Variants in FBN2 observed in about 807,000 individuals in gnomAD.
The protein encoded by FBN2 is fibrillin 2, also known as fibrillin-2.
A neutral mutation model predicts 355.6 loss-of-function variants in FBN2; 105 were observed. The ratio of observed to expected loss-of-function variants is 0.30; its 90% CI spans 0.25 to 0.35. The LOEUF (loss-of-function observed/expected upper bound fraction) is 0.35, where lower values mean the gene tolerates loss of function less well. Ranked by LOEUF, FBN2 falls within the 10% of genes least tolerant of loss-of-function variation. The pLI, the probability that FBN2 is intolerant of heterozygous loss-of-function variation, is 1.00. For missense variants in FBN2, 3,280 were observed against 3,758.7 expected, an observed-to-expected ratio of 0.87 and a Z score of 3.33; for synonymous variants, 1,350 against 1,301.2, an observed-to-expected ratio of 1.04 and a Z score of -0.81.
chr5:128,341,055 G>C (rs988025411), intron 25 of FBN2, among the ~76,000 whole-genome samples: 6 of 152,116 alleles, frequency 3.9e-5, no homozygotes, highest in African/African-American at 1.4e-4. Context: ...GGTACAGGAC[G>C]GACCGGTAGG....
chr5:128,367,937 G>C (rs1324236182), intron 16 of FBN2, among the ~76,000 whole-genome samples: 1 of 151,496 alleles, frequency 6.6e-6, no homozygotes, highest in Non-Finnish European at 1.5e-5. Context: ...TTCCACGTTT[G>C]AAGACTCCAT....
intron 5 of FBN2, among the ~76,000 whole-genome samples, chr5:128,478,513 T>G (rs1378632036): frequency 6.6e-6 from 1 of 152,212 alleles, no homozygotes; most frequent in Non-Finnish European, 1.5e-5. Flanking sequence ...TTTCAGCAAC[T>G]GGCCCCAAGT....
intron 6 of FBN2, among the ~76,000 whole-genome samples, chr5:128,451,381 CATT>C (rs1199901010): frequency 5.3e-5 from 8 of 152,042 alleles, no homozygotes; most frequent in African/African-American, 1.9e-4. Flanking sequence ...TTTTAAACCT[CATT>C]ATTATTATTG....
chr5:128,288,312 A>G, intron 53 of FBN2, 126 bp downstream of exon 53: 1 of 1,161,054 alleles, frequency 8.6e-7, no homozygotes, highest in Non-Finnish European at 1.2e-6. Flanking sequence ...CAAAAAACCC[A>G]AAAAACAAAA....
chr5:128,323,324 T>C (rs955235312), intron 34 of FBN2, among the ~76,000 whole-genome samples: 1 of 152,200 alleles, frequency 6.6e-6, no homozygotes, highest in African/African-American at 2.4e-5. Flanking sequence ...GAGGGCATCC[T>C]TGTCTTGTGC....
intron 11 of FBN2, among the ~76,000 whole-genome samples, chr5:128,387,845 A>G (rs1040988539): frequency 6.6e-6 from 1 of 152,166 alleles, no homozygotes; most frequent in African/African-American, 2.4e-5. Context: ...TGTTCTGTAG[A>G]TATCTGTTGA....
chr5:128,365,726 A>G lies in FBN2; in HGVS notation c.2302+651T>C, dbSNP rs571356288. Among the ~76,000 whole-genome samples, 69 of 150,606 alleles carry G rather than the reference A, an allele frequency of 4.6e-4. 1 individual carries two copies. Among genetic ancestry groups the G allele is most frequent in the Admixed American group, 1.8e-3 (27 of 15,094 alleles). ...ATATTCATATATATAGTGAAGATTAATAACACCCAAGTTTTATTTATGTAT... is the reference window on the plus strand; with the variant it reads ...ATATTCATATATATAGTGAAGATTAGTAACACCCAAGTTTTATTTATGTAT... On this transcript the variant is annotated intron_variant, in intron 17 of 64. Coordinates refer to ENST00000262464, the MANE Select transcript of FBN2 (RefSeq NM_001999.4).
intron 5 of FBN2, among the ~76,000 whole-genome samples, chr5:128,491,709 CA>C (rs1755510118): frequency 1.3e-5 from 2 of 152,200 alleles, no homozygotes; most frequent in South Asian, 4.2e-4. Context: ...AATGCAACAA[CA>C]AAAACAAGTC....
At chr5:128,309,109 CAG>C in intron 41 of FBN2, 136 bp downstream of exon 41, 1 of 821,850 alleles carries the variant, frequency 1.2e-6, no homozygotes, top group South Asian at 1.5e-5. Flanking sequence ...ACTTGGGAAA[CAG>C]AACCATATGA....
chr5:128,426,723 C>T (rs772389225), intron 7 of FBN2, among the ~76,000 whole-genome samples: 2 of 152,198 alleles, frequency 1.3e-5, no homozygotes, highest in East Asian at 3.9e-4. Context: ...ATGGTGTCTT[C>T]TTTCTTCTAT....
At chr5:128,436,387 T>C (rs813308) in intron 7 of FBN2, among the ~76,000 whole-genome samples, 95,366 of 152,082 alleles carry the variant, frequency 0.63, 32,130 homozygotes, top group African/African-American at 0.87. Context: ...TAAAAGCATA[T>C]ATACTTCAAA....
At chr5:128,398,903 C>T (rs373354978) in intron 8 of FBN2, among the ~76,000 whole-genome samples, 6 of 152,188 alleles carry the variant, frequency 3.9e-5, no homozygotes, top group South Asian at 2.1e-4. Flanking sequence ...TCTGCCACCA[C>T]GTGAGTCGTG....
At chr5:128,373,382 C>A (rs1220091943) in intron 15 of FBN2, among the ~76,000 whole-genome samples, 1 of 152,170 alleles carries the variant, frequency 6.6e-6, no homozygotes, top group Non-Finnish European at 1.5e-5. Context: ...GAACAAAGTG[C>A]TGACAACTTT....
At chr5:128,359,795 CCTA>C (rs2126934620) in intron 19 of FBN2, among the ~76,000 whole-genome samples, 1 of 152,166 alleles carries the variant, frequency 6.6e-6, no homozygotes, top group African/African-American at 2.4e-5. Flanking sequence ...ACCACCAGCT[CCTA>C]CTCTTAACTG....
At chr5:128,301,221 T>A (rs1252043452) in intron 47 of FBN2, among the ~76,000 whole-genome samples, 161 bp downstream of exon 47, 2 of 152,256 alleles carry the variant, frequency 1.3e-5, no homozygotes, top group African/African-American at 2.4e-5. Context: ...ATTCCCATTG[T>A]TGATACCTTA....
chr5:128,313,343 C>G (rs1005441044), intron 36 of FBN2, among the ~76,000 whole-genome samples: 3 of 152,120 alleles, frequency 2.0e-5, no homozygotes, highest in African/African-American at 7.2e-5. Context: ...ATTTATGGTT[C>G]TGTATCTCAT....
chr5:128,447,121 C>T (rs79369349), intron 6 of FBN2, among the ~76,000 whole-genome samples: 28 of 152,164 alleles, frequency 1.8e-4, no homozygotes, highest in African/African-American at 5.5e-4. Context: ...GGATGTAGGT[C>T]GCCTCAGGAC....
Position 128,519,256 on chromosome 5 carries a change from C to G in FBN2, c.628+17G>C. 6.4e-7 allele frequency: 1 copy of G among 1,569,002 alleles called. No individual in the cohort carries two copies. The highest frequency in any genetic ancestry group is 1.1e-5 in the South Asian group (1 of 90,010). ...AATAGACTTCTTCAGAAAGTAAAGT[C>G]TCATTTCTCTTCTTACCTCTTTCAC... On this transcript the variant is annotated intron_variant, in intron 5 of 64. Transcript: ENST00000262464.
rs966261231 is a variant in FBN2, at chr5:128,272,682, G to A, written c.7841-564C>T. Among the ~76,000 whole-genome samples, 13 of 151,944 alleles carry A rather than the reference G, an allele frequency of 8.6e-5. No individual in the cohort carries two copies. In the South Asian group the frequency reaches 1.0e-3, roughly 12 times the overall value. The stretch of plus-strand genomic sequence containing the variant: ...TAAATATGTTATTTTTAGACAAGAT[G>A]TGGTATTATTATACATGTGGAATAA... On this transcript the variant is annotated intron_variant, in intron 61 of 64. Transcript: ENST00000262464.
Sources: gnomAD v4.1 joint callset for allele counts (sites outside exome capture counted in the v4.1 genomes callset) on GRCh38, gnomAD v4.1.1 for gene constraint, MANE v1.5 for transcripts, NCBI Gene and HGNC (gene_info 2026-07-23, HGNC 2026-07-21) for gene names.